Variants in TIAM2 observed in about 807,000 individuals in gnomAD.
TIAM2 encodes rho guanine nucleotide exchange factor TIAM2.
Under a neutral mutation model 152.9 loss-of-function variants are expected in TIAM2, and 80 were observed. The ratio of observed to expected loss-of-function variants is 0.52; its 90% CI spans 0.44 to 0.63. The LOEUF (loss-of-function observed/expected upper bound fraction) is 0.63. Among genes scored for constraint, TIAM2 ranks in the 30% least tolerant of loss-of-function variants. The pLI is 0.00. For missense variants in TIAM2, 1,965 were observed against 2,120.1 expected (o/e 0.93, Z 1.44); for synonymous variants, 804 against 838.0 (o/e 0.96, Z 0.70).
chr6:155,003,429 G>A (rs904125235), intron 1 of TIAM2, among the ~76,000 whole-genome samples: 4 of 150,916 alleles, frequency 2.7e-5, no homozygotes, highest in East Asian at 2.0e-4. Flanking sequence ...GCAGTGAGCC[G>A]AGATCACACC....
intron 14 of TIAM2, 80 bp downstream of exon 14, chr6:155,183,580 T>A (rs1780965290): frequency 6.7e-7 from 1 of 1,485,670 alleles, no homozygotes; most frequent in African/African-American, 1.4e-5. Context: ...GCTTGCAAAC[T>A]CAGATTATTT....
At chr6:155,051,268 C>G (rs540308943) in intron 1 of TIAM2, among the ~76,000 whole-genome samples, 1 of 152,038 alleles carries the variant, frequency 6.6e-6, no homozygotes, top group Non-Finnish European at 1.5e-5. Context: ...AGGCACAGCG[C>G]GTAATGGAAA....
At chr6:155,104,040 A>ACCC (rs774902405) in intron 2 of TIAM2, among the ~76,000 whole-genome samples, 24 of 57,708 alleles carry the variant, frequency 4.2e-4, no homozygotes, top group South Asian at 1.6e-3. Context: ...ACACACACAC[A>ACCC]CCCCCCCCCC....
At chr6:155,232,268 G>GT (rs34963232) in intron 15 of TIAM2, among the ~76,000 whole-genome samples, 10,716 of 148,910 alleles carry the variant, frequency 0.072, 1,279 homozygotes, top group African/African-American at 0.25. Flanking sequence ...AATTTTTAGT[G>GT]TTTTTTTTTT....
chr6:155,088,245 G>A (rs899488765), intron 1 of TIAM2, among the ~76,000 whole-genome samples: 4 of 151,766 alleles, frequency 2.6e-5, no homozygotes, highest in Non-Finnish European at 4.4e-5. Flanking sequence ...TAGTAGAGAC[G>A]GGGTTTCTCC....
intron 1 of TIAM2, among the ~76,000 whole-genome samples, chr6:155,012,472 C>T (rs550290236): frequency 2.6e-5 from 4 of 152,290 alleles, no homozygotes; most frequent in Non-Finnish European, 5.9e-5. Context: ...CCCATTAATT[C>T]CTAATTCTGT....
At chr6:155,124,112 C>T (rs1037981331) in intron 2 of TIAM2, among the ~76,000 whole-genome samples, 1 of 151,492 alleles carries the variant, frequency 6.6e-6, no homozygotes, top group African/African-American at 2.4e-5. Context: ...CTCTGCCTCC[C>T]GATTCAAGCA....
At chr6:154,999,396 G>A (rs1009740553) in intron 1 of TIAM2, among the ~76,000 whole-genome samples, 1 of 151,862 alleles carries the variant, frequency 6.6e-6, no homozygotes, top group African/African-American at 2.4e-5. Context: ...TAGTAGAGAT[G>A]GGGTTTTGCC....
chr6:155,177,240 T>C (rs570925141), intron 10 of TIAM2, among the ~76,000 whole-genome samples: 53 of 152,358 alleles, frequency 3.5e-4, no homozygotes, highest in Non-Finnish European at 6.3e-4. Flanking sequence ...ATTCTATGTA[T>C]ACTTTGATAT....
chr6:155,179,075 C>A lies in TIAM2; in HGVS notation c.2560C>A (p.Leu854Ile). 2 of 1,614,106 alleles carry A rather than the reference C, an allele frequency of 1.2e-6. No individual in the cohort carries two copies. The highest frequency in any genetic ancestry group is 1.7e-6 in the Non-Finnish European group (2 of 1,180,012). ...GGAACCCAGCCATTATGGCCTACAG[C>A]TTCGAAAATTAGTAGATGACAATGT... ...QLEPSHYGLQ[L>I]RKLVDDNVEY... The change falls in exon 11 of 27, where the codon CTT (leucine) becomes ATT (isoleucine). Residue 854 changes from leucine (L) to isoleucine (I), a missense_variant. By Grantham distance (5) the Leu-to-Ile change is conservative. Transcript: ENST00000682666.
At chr6:155,195,537 C>T (rs1010548294) in intron 14 of TIAM2, among the ~76,000 whole-genome samples, 2 of 152,204 alleles carry the variant, frequency 1.3e-5, no homozygotes, top group Admixed American at 1.3e-4. Context: ...GGTAAAAAAG[C>T]ATCCTTGCCC....
chr6:155,075,126 G>A (rs1416404656), intron 1 of TIAM2, among the ~76,000 whole-genome samples: 5 of 152,060 alleles, frequency 3.3e-5, no homozygotes, highest in African/African-American at 9.7e-5. Flanking sequence ...CTCTCACAGC[G>A]GGAAGGGACT....
chr6:155,202,635 A>C (rs1235362468), intron 14 of TIAM2, among the ~76,000 whole-genome samples: 2 of 146,068 alleles, frequency 1.4e-5, no homozygotes, highest in Admixed American at 7.1e-5. Flanking sequence ...CATGTTGCCC[A>C]GGCTGGTCTT....
At chr6:155,088,489 T>A (rs1363871999) in intron 1 of TIAM2, among the ~76,000 whole-genome samples, 1 of 152,280 alleles carries the variant, frequency 6.6e-6, no homozygotes, top group Admixed American at 6.5e-5. Flanking sequence ...ACTTTGAGTA[T>A]GTCACATGTT....
chr6:155,057,942 C>A (rs898976389), intron 1 of TIAM2, among the ~76,000 whole-genome samples: 5 of 152,156 alleles, frequency 3.3e-5, no homozygotes, highest in Non-Finnish European at 7.4e-5. Flanking sequence ...ATTTACTTAT[C>A]TGTTCAATCC....
chr6:155,147,917 C>G (rs1779854894), intron 6 of TIAM2, among the ~76,000 whole-genome samples, 193 bp from the exon 7 acceptor site: 1 of 152,226 alleles, frequency 6.6e-6, no homozygotes, highest in African/African-American at 2.4e-5. Flanking sequence ...ATGATGCTTT[C>G]TGCTCTGCTC....
intron 15 of TIAM2, among the ~76,000 whole-genome samples, chr6:155,229,857 G>A (rs936550625): frequency 7.2e-5 from 11 of 152,134 alleles, no homozygotes; most frequent in African/African-American, 4.8e-5. Context: ...CTTACATGGC[G>A]GCAGGCAAGA....
At chr6:155,056,254 C>T (rs1777450051) in intron 1 of TIAM2, among the ~76,000 whole-genome samples, 1 of 149,938 alleles carries the variant, frequency 6.7e-6, no homozygotes, top group Admixed American at 6.7e-5. Flanking sequence ...TCACTGCAAC[C>T]TCCGCTTGCT....
intron 1 of TIAM2, chr6:155,005,235 G>T: frequency 4.4e-6 from 1 of 227,470 alleles, no homozygotes; most frequent in Non-Finnish European, 9.6e-6. Flanking sequence ...CAATAAAAAT[G>T]AGGAATTCCG....
Sources: gnomAD v4.1 joint callset for allele counts (sites outside exome capture counted in the v4.1 genomes callset) on GRCh38, gnomAD v4.1.1 for gene constraint, MANE v1.5 for transcripts, NCBI Gene and HGNC (gene_info 2026-07-23, HGNC 2026-07-21) for gene names.